KCNH8: variants seen among roughly 807,000 people sequenced by gnomAD.
KCNH8 encodes the protein potassium voltage-gated channel subfamily H member 8.
KCNH8 carries 70 observed loss-of-function variants against 103.6 expected under a neutral mutation model. The observed-to-expected ratio is 0.68, with a 90% CI of 0.56 to 0.82. The LOEUF is 0.82. Among genes scored for constraint, KCNH8 ranks in the 40% least tolerant of loss-of-function variants. The probability of loss-of-function intolerance (pLI) is 0.00; values close to 1 mark genes in which losing one functional copy is unlikely to be tolerated. For missense variants in KCNH8, 1,217 were observed against 1,329.9 expected (o/e 0.92, Z 1.32); for synonymous variants, 498 against 489.4 (o/e 1.02, Z -0.23).
intron 11 of KCNH8, among the ~76,000 whole-genome samples, chr3:19,493,746 T>G (rs1489121402): frequency 7.0e-6 from 1 of 143,032 alleles, no homozygotes; most frequent in East Asian, 1.9e-4. Context: ...TTGATGAGTC[T>G]TATTATTATT....
chr3:19,439,608 A>G (rs2067249175), intron 8 of KCNH8, among the ~76,000 whole-genome samples: 1 of 152,192 alleles, frequency 6.6e-6, no homozygotes, highest in Non-Finnish European at 1.5e-5. Context: ...AGAAGGCTCA[A>G]CTCACAAAGA....
At chr3:19,204,379 A>G (rs1204634910) in intron 1 of KCNH8, among the ~76,000 whole-genome samples, 1 of 152,036 alleles carries the variant, frequency 6.6e-6, no homozygotes, top group African/African-American at 2.4e-5. Context: ...AGTTGAAAAT[A>G]GTAGCTTTAA....
At chr3:19,515,451 T>C in intron 14 of KCNH8, 23 bp downstream of exon 14, 1 of 1,222,556 alleles carries the variant, frequency 8.2e-7, no homozygotes. Context: ...TTTAGTCTTC[T>C]CCTAAGGTAA....
intron 1 of KCNH8, among the ~76,000 whole-genome samples, chr3:19,170,751 CATATATATACACACAT>C (rs1211241839): frequency 1.7e-5 from 2 of 115,562 alleles, no homozygotes; most frequent in African/African-American, 6.6e-5. Flanking sequence ...TATACACACA[CATATATATACACACAT>C]ATATATACAC....
At chr3:19,454,939 T>C (rs2067507818) in intron 10 of KCNH8, among the ~76,000 whole-genome samples, 1 of 152,186 alleles carries the variant, frequency 6.6e-6, no homozygotes, top group Non-Finnish European at 1.5e-5. Flanking sequence ...TTGATTATTT[T>C]ACTTTCCCTA....
chr3:19,319,676 A>T (rs772794787), intron 3 of KCNH8, among the ~76,000 whole-genome samples: 4 of 151,932 alleles, frequency 2.6e-5, no homozygotes, highest in Admixed American at 6.6e-5. Context: ...TATCAATTTC[A>T]GGATTGTTCT....
chr3:19,369,070 G>A (rs1158329627), intron 5 of KCNH8, among the ~76,000 whole-genome samples: 3 of 151,938 alleles, frequency 2.0e-5, no homozygotes, highest in Non-Finnish European at 4.4e-5. Flanking sequence ...AGAAACTAAA[G>A]CTCAAAGAGT....
At chr3:19,162,734 A>G (rs1369541957) in intron 1 of KCNH8, among the ~76,000 whole-genome samples, 1 of 152,184 alleles carries the variant, frequency 6.6e-6, no homozygotes, top group Non-Finnish European at 1.5e-5. Context: ...ACAACATTAC[A>G]AAGAATCATA....
chr3:19,381,440 G>T lies in KCNH8; in HGVS notation c.812-9041G>T, dbSNP rs540424188. On this transcript the variant is annotated intron_variant, in intron 5 of 15. Coordinates refer to ENST00000328405, the MANE Select transcript of KCNH8 (RefSeq NM_144633.3). ...AAGTTAAAAAATAAAGCTTTTAGAA[G>T]ACATCACAGTGGAGTATCTTAATGA... is the stretch of plus-strand genomic sequence containing the variant. Among the ~76,000 whole-genome samples, 6 of 152,258 alleles carry T rather than the reference G, an allele frequency of 3.9e-5. No homozygotes were observed. In the South Asian group the frequency reaches 1.2e-3, roughly 32 times the overall value.
At chr3:19,229,937 A>T (rs1221953856) in intron 1 of KCNH8, among the ~76,000 whole-genome samples, 1 of 152,166 alleles carries the variant, frequency 6.6e-6, no homozygotes, top group Non-Finnish European at 1.5e-5. Flanking sequence ...CATGCTGCTG[A>T]TAAAGACATA....
chr3:19,299,472 A>G (rs1343928900), intron 3 of KCNH8, among the ~76,000 whole-genome samples: 2 of 152,136 alleles, frequency 1.3e-5, no homozygotes, highest in African/African-American at 2.4e-5. Flanking sequence ...CTCCGAAAAA[A>G]AGAAAACAAC....
intron 11 of KCNH8, among the ~76,000 whole-genome samples, chr3:19,482,091 C>A (rs755355393): frequency 1.3e-5 from 2 of 152,066 alleles, no homozygotes; most frequent in African/African-American, 4.8e-5. Flanking sequence ...GGGTCGTGAT[C>A]GATTGAGCAA....
intron 5 of KCNH8, among the ~76,000 whole-genome samples, chr3:19,366,195 T>C (rs1036197287): frequency 1.3e-5 from 2 of 152,082 alleles, no homozygotes; most frequent in African/African-American, 4.8e-5. Flanking sequence ...TAAAGTCGCT[T>C]AATTTGATGG....
At position 19,212,545 on chromosome 3, in the gene KCNH8, G is replaced by T. The variant is rs372608925; in HGVS notation, c.77-41109G>T. ...TGACTAGTTTATAAATCCTGAAAAG[G>T]CCTGTTCACATGTCTCAAGGCATCT... On this transcript the variant is annotated intron_variant, in intron 1 of 15. Coordinates refer to ENST00000328405, the MANE Select transcript of KCNH8 (RefSeq NM_144633.3). Among the ~76,000 whole-genome samples, 4 of 152,206 alleles carry T rather than the reference G, an allele frequency of 2.6e-5. No individual in the cohort carries two copies. In the South Asian group the frequency reaches 8.3e-4, roughly 32 times the overall value.
intron 1 of KCNH8, among the ~76,000 whole-genome samples, chr3:19,230,350 A>G (rs1246092537): frequency 6.6e-6 from 1 of 152,202 alleles, no homozygotes; most frequent in Non-Finnish European, 1.5e-5. Context: ...GACTTTCTTA[A>G]TTTCCAACCA....
At position 19,186,918 on chromosome 3, in the gene KCNH8, A is replaced by G. The variant is rs992889975; in HGVS notation, c.76+38123A>G. ...TTTTCTGTAACATGCCAGATAGTAA[A>G]TATTTTAGGTTTTGTGTGCCTTATG... On this transcript the variant is annotated intron_variant, in intron 1 of 15. Coordinates refer to ENST00000328405, the MANE Select transcript of KCNH8 (RefSeq NM_144633.3). Among the ~76,000 whole-genome samples the G allele has an allele frequency of 2.6e-5, 4 of 152,136 alleles. No individual in the cohort carries two copies. In the East Asian group the frequency reaches 7.7e-4, roughly 29 times the overall value.
At chr3:19,354,510 A>G (rs2125324918) in intron 5 of KCNH8, among the ~76,000 whole-genome samples, 1 of 152,322 alleles carries the variant, frequency 6.6e-6, no homozygotes, top group East Asian at 1.9e-4. Context: ...CCAAAACAGC[A>G]TGGTACTGGT....
chr3:19,279,200 C>G (rs115703312), intron 2 of KCNH8, among the ~76,000 whole-genome samples: 1,820 of 152,216 alleles, frequency 0.012, 31 homozygotes, highest in African/African-American at 0.041. Flanking sequence ...GGCTCCCAGT[C>G]TGAAATGGTG....
intron 13 of KCNH8, among the ~76,000 whole-genome samples, chr3:19,515,043 A>G (rs1217345607): frequency 6.6e-6 from 1 of 151,786 alleles, no homozygotes; most frequent in African/African-American, 2.4e-5. Flanking sequence ...ATTATTTTAA[A>G]TTTGAACAAT....
Sources: gnomAD v4.1 joint callset for allele counts (sites outside exome capture counted in the v4.1 genomes callset) on GRCh38, gnomAD v4.1.1 for gene constraint, MANE v1.5 for transcripts, NCBI Gene and HGNC (gene_info 2026-07-23, HGNC 2026-07-21) for gene names.